Variants in TRPM3 observed in about 807,000 individuals in gnomAD.
TRPM3 encodes the protein long transient receptor potential channel 3.
In TRPM3, 77 loss-of-function variants were observed where a neutral mutation model predicts 181.2. The observed-to-expected ratio is 0.42, with a 90% CI of 0.35 to 0.51. TRPM3 has a LOEUF of 0.51. Ranked by LOEUF, TRPM3 falls within the 20% of genes least tolerant of loss-of-function variation. TRPM3 has a pLI of 0.01. For synonymous variants in TRPM3, 745 were observed against 796.4 expected (o/e 0.94, Z 1.09); for missense variants, 1,759 against 2,196.7 (o/e 0.80, Z 3.98).
intron 1 of TRPM3, among the ~76,000 whole-genome samples, chr9:71,383,261 C>T (rs889758391): frequency 2.0e-5 from 3 of 152,086 alleles, no homozygotes; most frequent in Admixed American, 6.6e-5. Context: ...TTTCTTGACG[C>T]GTTGAAATAT....
At chr9:70,789,359 AT>A (rs1364360789) in intron 6 of TRPM3, among the ~76,000 whole-genome samples, 4 of 152,168 alleles carry the variant, frequency 2.6e-5, no homozygotes, top group Non-Finnish European at 4.4e-5. Flanking sequence ...AGCCTTACAA[AT>A]TTGTGTCTCG....
At chr9:70,542,488 A>G (rs1322198289) in intron 25 of TRPM3, among the ~76,000 whole-genome samples, 1 of 152,196 alleles carries the variant, frequency 6.6e-6, no homozygotes, top group Admixed American at 6.5e-5. Context: ...GTGACCCATG[A>G]GAGAAGGCCC....
rs556638492 is a variant in TRPM3 at position 71,022,609 on chromosome 9, G to C, written c.177+98569C>G. 9.6e-4 allele frequency among the ~76,000 whole-genome samples: 146 copies of C among 152,052 alleles called. 1 individual carries two copies. The highest frequency in any genetic ancestry group is 3.3e-3 in the African/African-American group (137 of 41,470). On this transcript the variant is annotated intron_variant, in intron 1 of 25. Transcript: ENST00000677713. ...GCTACTCAGGAGACAGAGGTGGGAG[G>C]ATATTTTGAGCGTAGGAGTTTAAGG...
intron 1 of TRPM3, among the ~76,000 whole-genome samples, chr9:70,941,181 C>G (rs541259112): frequency 6.6e-6 from 1 of 152,284 alleles, no homozygotes; most frequent in Non-Finnish European, 1.5e-5. Context: ...CTGGGAGAGA[C>G]AGACCCACCC....
chr9:71,056,401 A>G (rs2060656411), intron 1 of TRPM3, among the ~76,000 whole-genome samples: 2 of 151,924 alleles, frequency 1.3e-5, no homozygotes, highest in Non-Finnish European at 2.9e-5. Context: ...GGATAATGAG[A>G]CACTCTTCAT....
intron 1 of TRPM3, among the ~76,000 whole-genome samples, chr9:70,901,864 GC>G (rs2096392264): frequency 6.6e-6 from 1 of 152,214 alleles, no homozygotes; most frequent in Non-Finnish European, 1.5e-5. Context: ...GTGCATGACA[GC>G]ACATATATGA....
chr9:70,913,966 C>A (rs1299524866), intron 1 of TRPM3, among the ~76,000 whole-genome samples: 1 of 152,062 alleles, frequency 6.6e-6, no homozygotes, highest in African/African-American at 2.4e-5. Context: ...AGGTATTGAC[C>A]CCTTTCCATG....
chr9:71,149,793 A>G (rs1372996915), intron 1 of TRPM3, among the ~76,000 whole-genome samples: 1 of 151,922 alleles, frequency 6.6e-6, no homozygotes, highest in Non-Finnish European at 1.5e-5. Flanking sequence ...GAGCAACCCC[A>G]TCTCTACGAA....
chr9:70,889,750 C>T lies in TRPM3; in HGVS notation c.178-25239G>A, dbSNP rs1447383600. On this transcript the variant is annotated intron_variant, in intron 1 of 25. Transcript: ENST00000677713. ...ACTTAGGTTTAAGTAATAGAAAAGG[C>T]TTAAGTAATAGCCAAGGGTCATCAG... is the stretch of plus-strand genomic sequence containing the variant. Among the ~76,000 whole-genome samples, 4 of 151,846 alleles carry T rather than the reference C, an allele frequency of 2.6e-5. No homozygotes were observed. In the East Asian group the frequency reaches 7.7e-4, roughly 29 times the overall value.
intron 1 of TRPM3, among the ~76,000 whole-genome samples, chr9:70,984,592 C>G (rs959787643): frequency 6.6e-6 from 1 of 152,144 alleles, no homozygotes; most frequent in Non-Finnish European, 1.5e-5. Context: ...GACCAGAAAA[C>G]AGATATTCTC....
At chr9:70,954,078 C>A (rs1212174041) in intron 1 of TRPM3, among the ~76,000 whole-genome samples, 3 of 152,106 alleles carry the variant, frequency 2.0e-5, no homozygotes, top group Non-Finnish European at 4.4e-5. Flanking sequence ...AACAGGACTC[C>A]TCCACTCTGA....
At chr9:70,852,826 A>G (rs1316062438) in intron 3 of TRPM3, among the ~76,000 whole-genome samples, 2 of 152,044 alleles carry the variant, frequency 1.3e-5, no homozygotes, top group African/African-American at 2.4e-5. Flanking sequence ...AGATAATGCA[A>G]TCTCTCCCCT....
intron 1 of TRPM3, among the ~76,000 whole-genome samples, chr9:71,148,758 T>C (rs1335987227): frequency 1.3e-5 from 2 of 152,124 alleles, no homozygotes; most frequent in Non-Finnish European, 2.9e-5. Context: ...AGTCATAGGG[T>C]GAATTTCAAC....
At chr9:71,291,538 C>T (rs1309146026) in intron 1 of TRPM3, among the ~76,000 whole-genome samples, 1 of 152,026 alleles carries the variant, frequency 6.6e-6, no homozygotes, top group African/African-American at 2.4e-5. Context: ...CAAATATTAG[C>T]TGAATCAAGC....
intron 3 of TRPM3, among the ~76,000 whole-genome samples, chr9:70,862,178 T>C (rs1219201580): frequency 1.3e-5 from 2 of 152,116 alleles, no homozygotes; most frequent in Non-Finnish European, 2.9e-5. Context: ...TTATAACAGT[T>C]AGAAGCAAGC....
intron 1 of TRPM3, among the ~76,000 whole-genome samples, chr9:71,290,974 T>C (rs1473830713): frequency 1.3e-5 from 2 of 152,036 alleles, no homozygotes; most frequent in African/African-American, 2.4e-5. Flanking sequence ...CAATAATCAA[T>C]GTAAATGAAC....
intron 1 of TRPM3, among the ~76,000 whole-genome samples, chr9:71,373,538 T>G: frequency 6.6e-6 from 1 of 151,978 alleles, no homozygotes; most frequent in East Asian, 1.9e-4. Context: ...AAGAAATGAA[T>G]AAATTCCTAG....
chr9:71,288,981 G>C (rs2085542827), intron 1 of TRPM3, among the ~76,000 whole-genome samples: 1 of 152,154 alleles, frequency 6.6e-6, no homozygotes, highest in Admixed American at 6.6e-5. Flanking sequence ...GTTGTGTTTT[G>C]GGAGAACACA....
chr9:70,749,815 C>T (rs1011489726), intron 8 of TRPM3, among the ~76,000 whole-genome samples: 2 of 152,086 alleles, frequency 1.3e-5, no homozygotes, highest in Non-Finnish European at 2.9e-5. Flanking sequence ...AACATTTCAC[C>T]TTTATGGAAA....
Sources: allele counts gnomAD v4.1 joint callset (sites outside exome capture counted in the v4.1 genomes callset), GRCh38; gene constraint gnomAD v4.1.1; transcripts MANE v1.5; gene names NCBI Gene and HGNC (gene_info 2026-07-23, HGNC 2026-07-21).